MOB3B: variants seen among roughly 807,000 people sequenced by gnomAD.
MOB3B encodes the protein MOB kinase activator-like 2B.
MOB3B carries 7 observed loss-of-function variants against 18.7 expected under a neutral mutation model. The observed-to-expected ratio is 0.37, with a 90% CI of 0.21 to 0.70. The LOEUF is 0.70. MOB3B is among the 30% of genes least tolerant of loss of function. The pLI, the probability that MOB3B is intolerant of heterozygous loss-of-function variation, is 0.52. For synonymous variants in MOB3B, 111 were observed against 99.9 expected (o/e 1.11, Z -0.66); for missense variants, 253 against 281.3 (o/e 0.90, Z 0.72).
Position 27,328,488 on chromosome 9 carries a change from A to G in MOB3B, c.*2099T>C, listed in dbSNP as rs1820742547. 1 of 152,238 alleles carries G rather than the reference A, an allele frequency of 6.6e-6. No homozygotes were observed. Among genetic ancestry groups the G allele is most frequent in the Non-Finnish European group, 1.5e-5 (1 of 68,044 alleles). 9.4% of individuals were successfully genotyped at this position (152,238 alleles called of 1,614,324 possible). A position where few individuals can be genotyped will look rare whatever the true frequency, so the allele number is the denominator to read the frequency against. ...GAGGAAATTCTTCCAAGAAGCTTAA[A>G]AAGATTTGGATTTTTAAATTGAGTG... is the stretch of plus-strand genomic sequence containing the variant. On this transcript the variant is annotated 3_prime_UTR_variant, in exon 4 of 4. Coordinates refer to ENST00000262244, the MANE Select transcript of MOB3B (RefSeq NM_024761.5).
chr9:27,423,994 G>C (rs1822293259), intron 2 of MOB3B, among the ~76,000 whole-genome samples: 1 of 152,322 alleles, frequency 6.6e-6, no homozygotes, highest in South Asian at 2.1e-4. Context: ...CTAGTAAGTG[G>C]TGGAATTAGG....
intron 1 of MOB3B, among the ~76,000 whole-genome samples, chr9:27,463,003 C>T (rs1317356081): frequency 2.6e-5 from 4 of 152,212 alleles, no homozygotes; most frequent in Admixed American, 6.5e-5. Context: ...TGGCTAACAG[C>T]ACACAGCTTT....
chr9:27,403,188 G>C (rs1424397464), intron 2 of MOB3B, among the ~76,000 whole-genome samples: 2 of 152,246 alleles, frequency 1.3e-5, no homozygotes, highest in African/African-American at 4.8e-5. Context: ...GTGAAGAAAG[G>C]AAGACTTAAC....
At chr9:27,384,606 C>T (rs1044496056) in intron 2 of MOB3B, among the ~76,000 whole-genome samples, 14 of 152,192 alleles carry the variant, frequency 9.2e-5, no homozygotes, top group Non-Finnish European at 1.9e-4. Context: ...AGAACAATTC[C>T]AGCAGAACTC....
chr9:27,455,709 T>C lies in MOB3B; in HGVS notation c.-159A>G. On this transcript the variant is annotated 5_prime_UTR_variant, in exon 2 of 4. Coordinates refer to ENST00000262244, the MANE Select transcript of MOB3B (RefSeq NM_024761.5). ...GCTCTTCTAAACAGCCCCTTCCATCTTCCTCTTGAATGATTTCCAAGGGAA... is the reference window on the plus strand; with the variant it reads ...GCTCTTCTAAACAGCCCCTTCCATCCTCCTCTTGAATGATTTCCAAGGGAA... 1 of 1,471,606 alleles carries C rather than the reference T, an allele frequency of 6.8e-7. No individual in the cohort carries two copies. The highest frequency in any genetic ancestry group is 8.9e-7 in the Non-Finnish European group (1 of 1,120,972). The allele number at this position is 1,471,606 out of a possible 1,614,324, so 91.2% of individuals were successfully genotyped here.
At chr9:27,425,124 C>A (rs1462260157) in intron 2 of MOB3B, among the ~76,000 whole-genome samples, 1 of 151,958 alleles carries the variant, frequency 6.6e-6, no homozygotes, top group Non-Finnish European at 1.5e-5. Flanking sequence ...GCTTGTAATC[C>A]CAGCACTTTG....
intron 1 of MOB3B, among the ~76,000 whole-genome samples, chr9:27,487,153 A>AAATAAATAAAT (rs1241652908): frequency 4.4e-5 from 1 of 22,896 alleles, no homozygotes. Flanking sequence ...ATAAATAAAT[A>AAATAAATAAAT]AAATAAATAA....
intron 2 of MOB3B, among the ~76,000 whole-genome samples, chr9:27,384,803 T>C (rs1821627445): frequency 1.3e-5 from 2 of 152,178 alleles, no homozygotes; most frequent in Admixed American, 6.5e-5. Context: ...GTGAGTAGCA[T>C]CAGGAACTGA....
intron 1 of MOB3B, among the ~76,000 whole-genome samples, chr9:27,462,734 T>G (rs1587233716): frequency 6.6e-6 from 1 of 152,214 alleles, no homozygotes; most frequent in African/African-American, 2.4e-5. Flanking sequence ...ACAACAGACT[T>G]GTTTACTCTT....
intron 3 of MOB3B, among the ~76,000 whole-genome samples, chr9:27,332,141 C>G (rs138273398): frequency 0.013 from 1,953 of 152,240 alleles, 35 homozygotes; most frequent in African/African-American, 0.044. Context: ...TATAGGCACA[C>G]AACACCACAC....
At chr9:27,459,486 A>G (rs1254711907) in intron 1 of MOB3B, among the ~76,000 whole-genome samples, 2 of 152,190 alleles carry the variant, frequency 1.3e-5, no homozygotes, top group African/African-American at 2.4e-5. Context: ...TCTCAAAAGT[A>G]TATGATCTGA....
chr9:27,462,483 A>G (rs1819308564), intron 1 of MOB3B, among the ~76,000 whole-genome samples: 1 of 152,240 alleles, frequency 6.6e-6, no homozygotes, highest in Non-Finnish European at 1.5e-5. Flanking sequence ...GCATGAGTGT[A>G]TATCAGCTGA....
chr9:27,502,645 A>G lies in MOB3B; in HGVS notation c.-199+26910T>C, dbSNP rs554493513. Among the ~76,000 whole-genome samples, 244 of 152,332 alleles carry G rather than the reference A, an allele frequency of 1.6e-3. 2 individuals are homozygous for G. The highest frequency in any genetic ancestry group is 5.7e-3 in the African/African-American group (235 of 41,582). ...GGCAGCCATCAGCTAAGGAGACAGA[A>G]GCTTTTCTGGCTTCAGAATCTTTCT... On this transcript the variant is annotated intron_variant, in intron 1 of 3. Transcript: ENST00000262244.
At chr9:27,390,971 C>T (rs1821719980) in intron 2 of MOB3B, among the ~76,000 whole-genome samples, 1 of 152,176 alleles carries the variant, frequency 6.6e-6, no homozygotes, top group Non-Finnish European at 1.5e-5. Flanking sequence ...CTGATCTTGG[C>T]TTTTCCAGCC....
At chr9:27,436,379 G>A (rs1822501418) in intron 2 of MOB3B, among the ~76,000 whole-genome samples, 1 of 152,212 alleles carries the variant, frequency 6.6e-6, no homozygotes, top group African/African-American at 2.4e-5. Context: ...CACTCATGGA[G>A]CTTCCATCCT....
intron 1 of MOB3B, among the ~76,000 whole-genome samples, chr9:27,521,704 G>C (rs1487722008): frequency 6.6e-6 from 1 of 152,134 alleles, no homozygotes; most frequent in Non-Finnish European, 1.5e-5. Context: ...GTGTGTGTGT[G>C]TGTGTAATTA....
At chr9:27,495,743 A>T (rs1030209526) in intron 1 of MOB3B, among the ~76,000 whole-genome samples, 1 of 152,256 alleles carries the variant, frequency 6.6e-6, no homozygotes, top group Admixed American at 6.5e-5. Context: ...GACTAACTTC[A>T]TATATTACCA....
intron 1 of MOB3B, among the ~76,000 whole-genome samples, chr9:27,486,613 C>T (rs1309674056): frequency 2.0e-5 from 3 of 152,292 alleles, no homozygotes; most frequent in Admixed American, 1.3e-4. Context: ...TTCAAGGGCC[C>T]GCATTCTGAT....
At chr9:27,464,973 G>A (rs187320029) in intron 1 of MOB3B, among the ~76,000 whole-genome samples, 103 of 152,216 alleles carry the variant, frequency 6.8e-4, no homozygotes, top group African/African-American at 2.4e-3. Context: ...TTTGGGTGGG[G>A]ACACAGCCAA....
Sources: gnomAD v4.1 joint callset for allele counts (sites outside exome capture counted in the v4.1 genomes callset) on GRCh38, gnomAD v4.1.1 for gene constraint, MANE v1.5 for transcripts, NCBI Gene and HGNC (gene_info 2026-07-23, HGNC 2026-07-21) for gene names.